The following CSMD3 variants were observed in gnomAD, a reference collection of about 807,000 sequenced individuals.
CSMD3 encodes CUB and Sushi multiple domains 3.
Under a neutral mutation model 435.2 loss-of-function variants are expected in CSMD3, and 177 were observed. The ratio of observed to expected loss-of-function variants is 0.41; its 90% CI spans 0.36 to 0.46. The LOEUF is 0.46. Among genes scored for constraint, CSMD3 ranks in the 20% least tolerant of loss-of-function variants. The probability of loss-of-function intolerance (pLI) is 0.34; values close to 1 mark genes in which losing one functional copy is unlikely to be tolerated. For missense variants in CSMD3, 4,265 were observed against 4,504.6 expected, an observed-to-expected ratio of 0.95 and a Z score of 1.52; for synonymous variants, 1,656 against 1,520.5, an observed-to-expected ratio of 1.09 and a Z score of -2.07.
chr8:113,213,728 C>T (rs1011086514), intron 3 of CSMD3, among the ~76,000 whole-genome samples: 6 of 151,970 alleles, frequency 3.9e-5, no homozygotes, highest in African/African-American at 1.4e-4. Flanking sequence ...TCAAAAAACA[C>T]ATTCAAAAGG....
intron 4 of CSMD3, among the ~76,000 whole-genome samples, chr8:113,144,400 T>C (rs968400709): frequency 6.6e-6 from 1 of 151,446 alleles, no homozygotes; most frequent in Non-Finnish European, 1.5e-5. Flanking sequence ...AGACAGGCAT[T>C]CTAGTTATGT....
chr8:112,640,288 A>AT (rs1164198308), intron 20 of CSMD3, among the ~76,000 whole-genome samples: 5 of 152,218 alleles, frequency 3.3e-5, no homozygotes, highest in Admixed American at 6.5e-5. Context: ...GAGGTGCTTT[A>AT]TTTTTTTGTA....
At chr8:112,880,936 C>T (rs184806834) in intron 10 of CSMD3, among the ~76,000 whole-genome samples, 218 of 152,118 alleles carry the variant, frequency 1.4e-3, no homozygotes, top group African/African-American at 4.7e-3. Flanking sequence ...GCTGTTTTCA[C>T]TTTCTACATA....
chr8:112,616,916 G>A (rs1489332146), intron 22 of CSMD3, among the ~76,000 whole-genome samples: 3 of 152,154 alleles, frequency 2.0e-5, no homozygotes, highest in Non-Finnish European at 4.4e-5. Flanking sequence ...GGGAAAATGT[G>A]TAAAGTCCTG....
Position 112,739,502 on chromosome 8 carries a change from G to A in CSMD3, c.1973-49452C>T, listed in dbSNP as rs569804326. ...GCATCCTGTAAAATTCGTTGTTTGTGCAGGAAGAAACAATGAGAACAAATT... is the reference window on the plus strand; with the variant it reads ...GCATCCTGTAAAATTCGTTGTTTGTACAGGAAGAAACAATGAGAACAAATT... On this transcript the variant is annotated intron_variant, in intron 13 of 70. Transcript: ENST00000297405. Among the ~76,000 whole-genome samples, 17 of 151,832 alleles carry A rather than the reference G, an allele frequency of 1.1e-4. 1 individual carries two copies. In the East Asian group the frequency reaches 2.7e-3, roughly 24 times the overall value.
chr8:112,904,036 C>T lies in CSMD3; in HGVS notation c.1633+17591G>A, dbSNP rs113115060. On this transcript the variant is annotated intron_variant, in intron 10 of 70. Transcript: ENST00000297405. ...AGTGCCCTGGCTGATGTAGGTCCTT[C>T]TTAAGAATAGGGGTCCATAATTTTA... is the stretch of plus-strand genomic sequence containing the variant. 7.5e-3 allele frequency among the ~76,000 whole-genome samples: 1,142 copies of T among 151,400 alleles called. 22 individuals carry two copies. Among genetic ancestry groups the T allele is most frequent in the African/African-American group, 0.026 (1,083 of 41,416 alleles).
At chr8:112,954,332 A>G (rs1395024975) in intron 8 of CSMD3, among the ~76,000 whole-genome samples, 2 of 151,550 alleles carry the variant, frequency 1.3e-5, no homozygotes, top group Non-Finnish European at 3.0e-5. Flanking sequence ...GTCAATCAAG[A>G]ATTCCTACAA....
chr8:112,483,126 T>C (rs1023755341), intron 31 of CSMD3, among the ~76,000 whole-genome samples: 1 of 152,190 alleles, frequency 6.6e-6, no homozygotes, highest in Non-Finnish European at 1.5e-5. Flanking sequence ...ATAAAACTCA[T>C]AGATTTAAAA....
At chr8:113,258,418 G>A (rs539280985) in intron 3 of CSMD3, among the ~76,000 whole-genome samples, 3 of 152,186 alleles carry the variant, frequency 2.0e-5, no homozygotes, top group Admixed American at 6.5e-5. Context: ...ATTGTTTAGC[G>A]GGACATATTA....
chr8:112,977,670 A>G (rs1176024544), intron 6 of CSMD3, among the ~76,000 whole-genome samples: 2 of 152,056 alleles, frequency 1.3e-5, no homozygotes, highest in East Asian at 3.9e-4. Context: ...GAAGTATTAA[A>G]TGATTTTTGT....
intron 22 of CSMD3, among the ~76,000 whole-genome samples, chr8:112,618,768 G>C (rs1363856415): frequency 6.6e-6 from 1 of 151,946 alleles, no homozygotes; most frequent in Non-Finnish European, 1.5e-5. Context: ...ATCATAGAGA[G>C]GAGGGCTAAT....
chr8:112,542,013 C>A (rs547715043), intron 27 of CSMD3, among the ~76,000 whole-genome samples: 1 of 151,696 alleles, frequency 6.6e-6, no homozygotes, highest in Non-Finnish European at 1.5e-5. Flanking sequence ...TTTTGATACA[C>A]CACATTAACA....
intron 32 of CSMD3, among the ~76,000 whole-genome samples, chr8:112,418,969 G>A (rs1245613828): frequency 6.6e-6 from 1 of 152,130 alleles, no homozygotes; most frequent in Non-Finnish European, 1.5e-5. Context: ...TTTGTGTTCA[G>A]ATGTGTGTCC....
chr8:112,613,279 T>A (rs2131478851), intron 22 of CSMD3, among the ~76,000 whole-genome samples: 1 of 152,260 alleles, frequency 6.6e-6, no homozygotes, highest in South Asian at 2.1e-4. Context: ...CAATAGAGGT[T>A]TTTGTTTTCA....
At chr8:113,285,283 A>G in intron 2 of CSMD3, among the ~76,000 whole-genome samples, 1 of 133,486 alleles carries the variant, frequency 7.5e-6, no homozygotes, top group African/African-American at 2.9e-5. Context: ...TTTTTTTGAC[A>G]GAGTCTAGCT....
rs778233496 is a variant in CSMD3, at chr8:112,921,771, A to G, written c.1509-20T>C. The G allele has an allele frequency of 4.9e-5, 78 of 1,582,334 alleles. No homozygotes were observed. Among genetic ancestry groups the G allele is most frequent in the Non-Finnish European group, 6.5e-5 (75 of 1,151,942 alleles). On this transcript the variant is annotated intron_variant, in intron 9 of 70. Transcript: ENST00000297405. ...CCAAGGCTAAAGTTAAATAAAAGAGAAAAAATATGATAAGAAAGATGCAAC... is the reference window on the plus strand; with the variant it reads ...CCAAGGCTAAAGTTAAATAAAAGAGGAAAAATATGATAAGAAAGATGCAAC...
At chr8:113,256,839 A>G (rs942080771) in intron 3 of CSMD3, among the ~76,000 whole-genome samples, 96 of 152,298 alleles carry the variant, frequency 6.3e-4, no homozygotes, top group African/African-American at 2.3e-3. Flanking sequence ...AGTGGTTTGT[A>G]GTGTGTAGGA....
In CSMD3 at chr8:113,314,597, A is replaced by T. The variant is rs1376581779; in HGVS notation, c.375T>A (p.His125Gln). ...EYDYLSLYDG[H>Q]PHPTNFRTRL... ...TTGTCCTAAAGTTTGTAGGATGAGG[A>T]TGTCCATCATATAATGATAAGTAGT... Residue 125 changes from histidine (H) to glutamine (Q), a missense_variant, in exon 2 of 71, where the codon CAT (histidine) becomes CAA (glutamine). This residue lies in a region of CSMD3 where 731 missense variants were observed against 755.4 expected (regional missense o/e 0.97). Coordinates refer to ENST00000297405, the MANE Select transcript of CSMD3 (RefSeq NM_198123.2). 2 of 1,604,124 alleles carry T rather than the reference A, an allele frequency of 1.2e-6. No homozygotes were observed. Among genetic ancestry groups the T allele is most frequent in the South Asian group, 1.1e-5 (1 of 90,874 alleles).
intron 5 of CSMD3, among the ~76,000 whole-genome samples, chr8:113,084,700 T>C (rs551676731): frequency 2.1e-4 from 31 of 149,530 alleles, no homozygotes; most frequent in Non-Finnish European, 3.8e-4. Context: ...TCACACTACC[T>C]GTTTTCAAAA....
Sources: gnomAD v4.1 joint callset for allele counts (sites outside exome capture counted in the v4.1 genomes callset) on GRCh38, gnomAD v4.1.1 for gene constraint, gnomAD v4.1.1 regional missense constraint, MANE v1.5 for transcripts, NCBI Gene and HGNC (gene_info 2026-07-23, HGNC 2026-07-21) for gene names.